Variants in CELF5 observed in about 807,000 individuals in gnomAD.
The protein encoded by CELF5 is CUG-BP and ETR-3 like factor 5.
A neutral mutation model predicts 54.9 loss-of-function variants in CELF5; 6 were observed. The ratio of observed to expected loss-of-function variants is 0.11; its 90% CI spans 0.06 to 0.22. The LOEUF is 0.22. Among genes scored for constraint, CELF5 ranks in the 10% least tolerant of loss-of-function variants. CELF5 has a pLI of 1.00. For synonymous variants in CELF5, 271 were observed against 290.9 expected, an observed-to-expected ratio of 0.93 and a Z score of 0.70; for missense variants, 401 against 678.6, an observed-to-expected ratio of 0.59 and a Z score of 4.54.
At position 3,228,824 on chromosome 19, in the gene CELF5, G is replaced by A. The variant is rs1917094067; in HGVS notation, c.259+3826G>A. 6.6e-6 allele frequency among the ~76,000 whole-genome samples: 1 copy of A among 152,004 alleles called. No homozygotes were observed. Among genetic ancestry groups the A allele is most frequent in the Non-Finnish European group, 1.5e-5 (1 of 67,952 alleles). ...CGCGGGAGCAGTTGGCACCCCTGGT[G>A]GTGGCGGGGACAGCGGCAGGGGGCT... On this transcript the variant is annotated intron_variant, in intron 1 of 12. Transcript: ENST00000292672. The surrounding 1 kb of genome is among the most constrained non-coding windows in gnomAD (Gnocchi z 6.0).
At position 3,251,082 on chromosome 19, in the gene CELF5, G is replaced by C; in HGVS notation, c.342+15G>C. On this transcript the variant is annotated intron_variant, in intron 2 of 12. Transcript: ENST00000292672. ...CCTTGCCCGGAGTGAGTCCTGTGTG[G>C]TGTCTGGGGAGGAGGGGACAGGGGA... The C allele has an allele frequency of 1.2e-6, 2 of 1,608,494 alleles. No individual in the cohort carries two copies. The highest frequency in any genetic ancestry group is 1.7e-6 in the Non-Finnish European group (2 of 1,175,006).
At chr19:3,250,642 C>T (rs2079635703) in intron 1 of CELF5, among the ~76,000 whole-genome samples, 1 of 152,130 alleles carries the variant, frequency 6.6e-6, no homozygotes, top group Non-Finnish European at 1.5e-5. Context: ...CATTCCCCTC[C>T]CCAGCCCCTG....
chr19:3,231,318 G>A (rs982816794), intron 1 of CELF5, among the ~76,000 whole-genome samples: 6 of 152,224 alleles, frequency 3.9e-5, no homozygotes, highest in African/African-American at 4.8e-5. Context: ...AGATAGATAT[G>A]TGAATCAATG....
chr19:3,258,290 A>T (rs920860054), intron 2 of CELF5, among the ~76,000 whole-genome samples: 1 of 142,258 alleles, frequency 7.0e-6, no homozygotes, highest in Non-Finnish European at 1.5e-5. Context: ...TTTTGATTTA[A>T]TTTTTTTTTT....
rs539584357 is a variant in CELF5 at position 3,257,042 on chromosome 19, C to A, written c.342+5975C>A. Among the ~76,000 whole-genome samples the A allele has an allele frequency of 2.0e-5, 3 of 152,294 alleles. No individual in the cohort carries two copies. In the South Asian group the frequency reaches 6.2e-4, roughly 32 times the overall value. On this transcript the variant is annotated intron_variant, in intron 2 of 12. Coordinates refer to ENST00000292672, the MANE Select transcript of CELF5 (RefSeq NM_021938.4). ...CAGGCCCGTCCCGAACTCCTGGGATCAAGCGAGCCTCCCACCTCAGCCTCC... is the reference window on the plus strand; with the variant it reads ...CAGGCCCGTCCCGAACTCCTGGGATAAAGCGAGCCTCCCACCTCAGCCTCC...
chr19:3,289,420 G>A (rs545544196), intron 10 of CELF5, among the ~76,000 whole-genome samples: 3 of 152,142 alleles, frequency 2.0e-5, no homozygotes, highest in East Asian at 1.9e-4. Flanking sequence ...AATGGCTCAC[G>A]CCTGTAATCC....
chr19:3,258,148 G>T (rs2079757760), intron 2 of CELF5, among the ~76,000 whole-genome samples: 1 of 151,930 alleles, frequency 6.6e-6, no homozygotes, highest in Non-Finnish European at 1.5e-5. Context: ...AGTAGAGATG[G>T]CGTTTCACCA....
At position 3,242,814 on chromosome 19, in the gene CELF5, A is replaced by T. The variant is rs1169368776; in HGVS notation, c.260-8171A>T. On this transcript the variant is annotated intron_variant, in intron 1 of 12. Coordinates refer to ENST00000292672, the MANE Select transcript of CELF5 (RefSeq NM_021938.4). Reference sequence around the variant, plus strand: ...GAGCAAGACTCTATCTAAAAAAAAAATTAGCTGGGCTTGGTGGCAGGTACC... The same window carrying T: ...GAGCAAGACTCTATCTAAAAAAAAATTTAGCTGGGCTTGGTGGCAGGTACC... Among the ~76,000 whole-genome samples, 3 of 152,056 alleles carry T rather than the reference A, an allele frequency of 2.0e-5. No individual in the cohort carries two copies. In the South Asian group the frequency reaches 6.2e-4, roughly 32 times the overall value.
At chr19:3,235,876 G>T (rs914985293) in intron 1 of CELF5, among the ~76,000 whole-genome samples, 8 of 151,324 alleles carry the variant, frequency 5.3e-5, no homozygotes, top group Non-Finnish European at 1.0e-4. Flanking sequence ...GTGGGAGGAT[G>T]GTTGATTGGA....
intron 2 of CELF5, among the ~76,000 whole-genome samples, chr19:3,265,650 A>C (rs1307311428): frequency 2.0e-5 from 3 of 152,202 alleles, no homozygotes; most frequent in African/African-American, 7.2e-5. Context: ...CTTCAGCTCC[A>C]GGAACTGCCC....
intron 2 of CELF5, among the ~76,000 whole-genome samples, chr19:3,263,884 G>A (rs112462281): frequency 2.0e-5 from 3 of 152,132 alleles, no homozygotes; most frequent in South Asian, 2.1e-4. Flanking sequence ...CAGGCTGGGC[G>A]ATACAGTGAG....
intron 1 of CELF5, among the ~76,000 whole-genome samples, chr19:3,247,330 G>A (rs569531676): frequency 1.5e-4 from 23 of 152,114 alleles, no homozygotes; most frequent in African/African-American, 5.3e-4. Context: ...GTTTCACCGT[G>A]TTAGCCAGGA....
chr19:3,253,663 C>T (rs779354144), intron 2 of CELF5, among the ~76,000 whole-genome samples: 2 of 152,214 alleles, frequency 1.3e-5, no homozygotes, highest in Non-Finnish European at 2.9e-5. Context: ...ACTCAAGGAA[C>T]AAACCAGCTC....
chr19:3,245,282 T>TGC (rs1382559251), intron 1 of CELF5, among the ~76,000 whole-genome samples: 2 of 148,782 alleles, frequency 1.3e-5, no homozygotes, highest in East Asian at 2.0e-4. Flanking sequence ...TCTGTGTGTG[T>TGC]GCGTGTGTGT....
chr19:3,276,244 G>T (rs2080049721), intron 4 of CELF5, among the ~76,000 whole-genome samples: 1 of 141,664 alleles, frequency 7.1e-6, no homozygotes, highest in African/African-American at 2.7e-5. Context: ...TCTGAGGGCG[G>T]GGCCTGTGGG....
chr19:3,230,393 G>C (rs1917199158), intron 1 of CELF5, among the ~76,000 whole-genome samples: 2 of 152,202 alleles, frequency 1.3e-5, no homozygotes, highest in African/African-American at 4.8e-5. Flanking sequence ...GCCCTATGAT[G>C]GGCATGAAAC....
intron 8 of CELF5, 170 bp from the exon 9 acceptor site, chr19:3,284,732 G>T: frequency 1.6e-6 from 1 of 638,372 alleles, no homozygotes; most frequent in South Asian, 1.8e-5. Context: ...GTGGCCCTGT[G>T]CAAGTGGCTT....
intron 2 of CELF5, among the ~76,000 whole-genome samples, chr19:3,262,216 A>T (rs2079815638): frequency 6.6e-6 from 1 of 151,978 alleles, no homozygotes; most frequent in Non-Finnish European, 1.5e-5. Context: ...TTTAATAGAG[A>T]TGGCATTTCT....
chr19:3,285,998 C>T lies in CELF5; in HGVS notation c.1159C>T (p.Pro387Ser), dbSNP rs2080241934. Residue 387 changes from proline (P) to serine (S), a missense_variant, in exon 10 of 13, where the codon CCC becomes TCC. Pro to Ser is a moderately conservative substitution (Grantham distance 74). Around this residue, in one of 6 missense-constraint regions of CELF5, gnomAD observed 143 missense variants for 147.6 expected, o/e 0.97. Coordinates refer to ENST00000292672, the MANE Select transcript of CELF5 (RefSeq NM_021938.4). ...PIAHSVPQPP[P>S]LLQQQQREGP... ...CGCGCACAGCGTCCCCCAGCCGCCG[C>T]CCCTCCTGCAGCAGCAGCAGCGAGA... The T allele has an allele frequency of 6.3e-7, 1 of 1,585,032 alleles. No homozygotes were observed. Among genetic ancestry groups the T allele is most frequent in the Non-Finnish European group, 8.5e-7 (1 of 1,172,948 alleles).
Sources: gnomAD v4.1 joint callset for allele counts (sites outside exome capture counted in the v4.1 genomes callset) on GRCh38, gnomAD v4.1.1 for gene constraint, gnomAD v4.1.1 regional missense constraint, Gnocchi (gnomAD v3.1) non-coding constraint, MANE v1.5 for transcripts, NCBI Gene and HGNC (gene_info 2026-07-23, HGNC 2026-07-21) for gene names.